Variants in PAK1 observed in about 807,000 individuals in gnomAD.
PAK1 encodes p21 (RAC1) activated kinase 1.
In PAK1, 29 loss-of-function variants were observed where a neutral mutation model predicts 67.4. The observed-to-expected ratio is 0.43, with a 90% CI of 0.32 to 0.59. The LOEUF (loss-of-function observed/expected upper bound fraction) is 0.59. PAK1 is among the 20% of genes least tolerant of loss of function. PAK1 has a pLI of 0.07. For missense variants in PAK1, 337 were observed against 670.7 expected, an observed-to-expected ratio of 0.50 and a Z score of 5.50; for synonymous variants, 223 against 237.4, an observed-to-expected ratio of 0.94 and a Z score of 0.56.
At chr11:77,421,136 C>G (rs1008090790) in intron 1 of PAK1, among the ~76,000 whole-genome samples, 38 of 152,158 alleles carry the variant, frequency 2.5e-4, no homozygotes, top group African/African-American at 7.7e-4. Context: ...TTACCTTCCT[C>G]TACCTCCTCC....
Position 77,323,283 on chromosome 11 carries a change from G to T in PAK1, c.1629C>A (p.Asn543Lys). 6.2e-7 allele frequency: 1 copy of T among 1,613,902 alleles called. No individual in the cohort carries two copies. The change falls in exon 15 of 15, where the codon AAC becomes AAA. Residue 543 changes from asparagine to lysine, a missense_variant. By Grantham distance (94) the Asn-to-Lys change is moderately conservative. Coordinates refer to ENST00000356341, the MANE Select transcript of PAK1 (RefSeq NM_002576.5). ...TGGGGTGAGTGTGGTTTTAGTGATT[G>T]TTCTTTGTTGCCTCCTTAGCTGCAG... ...LIAAAKEATK[N>K]NH
chr11:77,513,566 G>A, the PAK1 span, among the ~76,000 whole-genome samples: 2 of 150,144 alleles, frequency 1.3e-5, no homozygotes, highest in African/African-American at 4.9e-5. Flanking sequence ...AGCTTCTAGG[G>A]AGTCTGAGGT....
chr11:77,422,470 A>G (rs1410182227), intron 1 of PAK1, among the ~76,000 whole-genome samples: 2 of 151,244 alleles, frequency 1.3e-5, no homozygotes, highest in Non-Finnish European at 2.9e-5. Context: ...GGGAGAAATC[A>G]CTTGAACCCA....
intron 1 of PAK1, among the ~76,000 whole-genome samples, chr11:77,468,499 G>C (rs959236144): frequency 3.9e-5 from 6 of 152,308 alleles, no homozygotes; most frequent in African/African-American, 1.4e-4. Flanking sequence ...AGCACATTAA[G>C]TTAATAAATT....
At chr11:77,357,348 G>A (rs762355951) in intron 6 of PAK1, among the ~76,000 whole-genome samples, 4 of 152,132 alleles carry the variant, frequency 2.6e-5, no homozygotes, top group South Asian at 2.1e-4. Context: ...AAGCCAAGAC[G>A]CTGAGATCAG....
intron 1 of PAK1, among the ~76,000 whole-genome samples, chr11:77,440,899 C>T (rs1002376909): frequency 6.7e-6 from 1 of 150,304 alleles, no homozygotes; most frequent in Admixed American, 6.6e-5. Flanking sequence ...CCCACCTCTA[C>T]CTCCTCCATT....
At chr11:77,329,043 A>G (rs1223668932) in intron 14 of PAK1, 1 of 152,272 alleles carries the variant, frequency 6.6e-6, no homozygotes, top group East Asian at 1.9e-4. Flanking sequence ...GAAGAAATGG[A>G]TAAATTCCTC....
At chr11:77,493,259 C>CA in the PAK1 span, among the ~76,000 whole-genome samples, 9 of 146,636 alleles carry the variant, frequency 6.1e-5, no homozygotes, top group Admixed American at 3.5e-4. Context: ...CCATTGCACT[C>CA]AGTCATTTTT....
At chr11:77,528,158 G>A in the PAK1 span, among the ~76,000 whole-genome samples, 1 of 152,016 alleles carries the variant, frequency 6.6e-6, no homozygotes, top group Admixed American at 6.6e-5. Context: ...GCATTTTAAA[G>A]TAAATTCAAG....
At chr11:77,369,718 G>T (rs554522329) in intron 5 of PAK1, among the ~76,000 whole-genome samples, 1 of 152,112 alleles carries the variant, frequency 6.6e-6, no homozygotes, top group Admixed American at 6.5e-5. Context: ...AAAGTGCTGG[G>T]ATTACAGGTG....
intron 1 of PAK1, among the ~76,000 whole-genome samples, chr11:77,397,396 G>A (rs1310614450): frequency 6.6e-6 from 1 of 152,164 alleles, no homozygotes; most frequent in Non-Finnish European, 1.5e-5. Flanking sequence ...TTTAAGTCCT[G>A]GCTCTGCAAT....
In PAK1 at chr11:77,378,880, G is replaced by A. The variant is rs116853172; in HGVS notation, c.439+361C>T. 9.0e-3 allele frequency among the ~76,000 whole-genome samples: 1,374 copies of A among 152,254 alleles called. 10 individuals carry two copies. Among genetic ancestry groups the A allele is most frequent in the Middle Eastern group, 0.024 (7 of 294 alleles). On this transcript the variant is annotated intron_variant, in intron 4 of 14. Coordinates refer to ENST00000356341, the MANE Select transcript of PAK1 (RefSeq NM_002576.5). Reference sequence around the variant, plus strand: ...TGGGATTACAGGCGTGAGGCACTGCGCCCAACCATTTCTCACTACAGCCTC... The same window carrying A: ...TGGGATTACAGGCGTGAGGCACTGCACCCAACCATTTCTCACTACAGCCTC...
intron 1 of PAK1, among the ~76,000 whole-genome samples, chr11:77,416,069 T>C (rs1286233766): frequency 6.6e-6 from 1 of 151,800 alleles, no homozygotes; most frequent in Admixed American, 6.6e-5. Context: ...ACCTCCACTT[T>C]CTGGGTTCAA....
intron 1 of PAK1, among the ~76,000 whole-genome samples, chr11:77,451,300 C>G (rs1254748724): frequency 6.6e-6 from 1 of 152,168 alleles, no homozygotes; most frequent in Non-Finnish European, 1.5e-5. Flanking sequence ...CAAGAGGTAC[C>G]CTCCTTATTC....
chr11:77,412,015 G>A (rs1954622810), intron 1 of PAK1: 1 of 152,448 alleles, frequency 6.6e-6, no homozygotes, highest in South Asian at 2.1e-4. Context: ...GGGAAGAAAG[G>A]AGGGAAGGAG....
the PAK1 span, among the ~76,000 whole-genome samples, chr11:77,518,421 C>T: frequency 6.6e-6 from 1 of 152,170 alleles, no homozygotes; most frequent in African/African-American, 2.4e-5. Context: ...TTTGCCATCT[C>T]TGGTTTTTGT....
chr11:77,391,104 T>TC, intron 2 of PAK1, among the ~76,000 whole-genome samples: 1 of 152,312 alleles, frequency 6.6e-6, no homozygotes, highest in Middle Eastern at 3.4e-3. Flanking sequence ...TCTCCCCTGA[T>TC]CCGTAGTTAG....
chr11:77,496,855 C>G, the PAK1 span, among the ~76,000 whole-genome samples: 3 of 152,208 alleles, frequency 2.0e-5, no homozygotes, highest in Admixed American at 6.5e-5. Flanking sequence ...ATTGTTTGAA[C>G]CTGGGAGGTG....
At chr11:77,462,726 G>A (rs1957408605) in intron 1 of PAK1, among the ~76,000 whole-genome samples, 1 of 151,878 alleles carries the variant, frequency 6.6e-6, no homozygotes, top group Non-Finnish European at 1.5e-5. Flanking sequence ...CAGCTACTTG[G>A]GAGGCTGAGG....
Sources: allele counts gnomAD v4.1 joint callset (sites outside exome capture counted in the v4.1 genomes callset), GRCh38; gene constraint gnomAD v4.1.1; transcripts MANE v1.5; gene names NCBI Gene and HGNC (gene_info 2026-07-23, HGNC 2026-07-21).